Variants in LPP observed in about 807,000 individuals in gnomAD.
LPP encodes the protein lipoma-preferred partner.
In LPP, 38 loss-of-function variants were observed where a neutral mutation model predicts 60.4. The observed-to-expected ratio is 0.63, with a 90% CI of 0.49 to 0.83. The LOEUF is 0.83. LPP is among the 40% of genes least tolerant of loss of function. The pLI is 0.00. For synonymous variants in LPP, 328 were observed against 290.8 expected (o/e 1.13, Z -1.30); for missense variants, 902 against 783.6 (o/e 1.15, Z -1.80).
intron 6 of LPP, among the ~76,000 whole-genome samples, chr3:188,557,904 G>A (rs1829851930): frequency 6.6e-6 from 1 of 152,008 alleles, no homozygotes; most frequent in South Asian, 2.1e-4. Context: ...TCATCAAGCA[G>A]GTAAAGAGAA....
At chr3:188,601,451 A>G (rs1045667024) in intron 6 of LPP, among the ~76,000 whole-genome samples, 4 of 152,220 alleles carry the variant, frequency 2.6e-5, no homozygotes, top group African/African-American at 4.8e-5. Flanking sequence ...TAAAAATTTT[A>G]TAGAAACAAA....
At chr3:188,614,627 C>T (rs867813559) in intron 7 of LPP, among the ~76,000 whole-genome samples, 6 of 152,214 alleles carry the variant, frequency 3.9e-5, no homozygotes, top group African/African-American at 1.2e-4. Context: ...ATGAGAGCCA[C>T]TCACTTAACG....
Position 188,609,839 on chromosome 3 carries a change from C to T in LPP, c.1108C>T (p.Pro370Ser). The change falls in exon 7 of 12, where the codon CCA becomes TCA. Residue 370 changes from proline to serine, a missense_variant. Transcript: ENST00000617246. This position sits in a 1 kb window ranked among gnomAD's most constrained non-coding sequence, Gnocchi z 6.9. ...AGCCCCCTGTGCGCCACCATTGCAGCCAAAGGTAAGAAACTCAGTAACATA... is the reference window on the plus strand; with the variant it reads ...AGCCCCCTGTGCGCCACCATTGCAGTCAAAGGTAAGAAACTCAGTAACATA... ...VSAPCAPPLQ[P>S]KGGHSGQLGP... is the part of the protein sequence containing the mutation. 1.2e-6 allele frequency: 2 copies of T among 1,608,042 alleles called. No individual in the cohort carries two copies. Among genetic ancestry groups the T allele is most frequent in the Non-Finnish European group, 1.7e-6 (2 of 1,177,558 alleles).
intron 8 of LPP, chr3:188,712,585 C>T (rs1212882724): frequency 1.3e-5 from 2 of 152,242 alleles, no homozygotes; most frequent in African/African-American, 4.8e-5. Context: ...TTGGCCTATT[C>T]TGGACTGCAA....
chr3:188,617,020 A>C (rs937846585), intron 7 of LPP, among the ~76,000 whole-genome samples: 3 of 152,146 alleles, frequency 2.0e-5, no homozygotes, highest in Admixed American at 2.0e-4. Flanking sequence ...TTATCTGAAA[A>C]TTGTTGATGC....
Position 188,889,497 on chromosome 3 carries a change from G to C in LPP, c.*15018G>C, listed in dbSNP as rs1214685664. ...AAGTCAGTTGGCTCCATATTCACTT[G>C]AATATGCCTCTGTTTGGGCAAAGCA... On this transcript the variant is annotated 3_prime_UTR_variant, in exon 12 of 12. Transcript: ENST00000617246. The C allele has an allele frequency of 8.7e-6, 2 of 230,704 alleles. No individual in the cohort carries two copies. Among genetic ancestry groups the C allele is most frequent in the Non-Finnish European group, 1.7e-5 (2 of 116,466 alleles). 14.3% of individuals were successfully genotyped at this position (230,704 alleles called of 1,614,324 possible).
At chr3:188,413,936 T>C (rs1469729772) in intron 4 of LPP, among the ~76,000 whole-genome samples, 1 of 152,128 alleles carries the variant, frequency 6.6e-6, no homozygotes, top group African/African-American at 2.4e-5. Flanking sequence ...TGATGATAAA[T>C]GTGAAAATGT....
At chr3:188,461,518 A>C (rs1490023478) in intron 4 of LPP, among the ~76,000 whole-genome samples, 1 of 152,146 alleles carries the variant, frequency 6.6e-6, no homozygotes, top group Non-Finnish European at 1.5e-5. Flanking sequence ...TTTTTGTTTA[A>C]AAAACACCCA....
At chr3:188,775,344 C>G (rs1737405711) in intron 9 of LPP, among the ~76,000 whole-genome samples, 1 of 152,188 alleles carries the variant, frequency 6.6e-6, no homozygotes, top group Non-Finnish European at 1.5e-5. Context: ...AGCCACCACA[C>G]CCGGCCCATG....
intron 6 of LPP, among the ~76,000 whole-genome samples, chr3:188,581,635 A>C (rs1849911): frequency 0.67 from 101,618 of 151,664 alleles, 34,723 homozygotes; most frequent in East Asian, 0.87. Flanking sequence ...TCAGGGCCCA[A>C]CTCACTCATC....
At chr3:188,313,636 C>G (rs78487398) in intron 2 of LPP, among the ~76,000 whole-genome samples, 1 of 114,938 alleles carries the variant, frequency 8.7e-6, no homozygotes, top group Non-Finnish European at 1.9e-5. Context: ...GACTCCGTCT[C>G]AAAAAAAAAA....
chr3:188,689,901 C>T (rs1290460611), intron 7 of LPP, among the ~76,000 whole-genome samples: 1 of 147,238 alleles, frequency 6.8e-6, no homozygotes, highest in Non-Finnish European at 1.5e-5. Context: ...GATGGTATAT[C>T]AGGAATTCTG....
rs1345464096 is a variant in LPP, at chr3:188,887,242, T to C, written c.*12763T>C. ...ATGCAAAATGGGAAGAGCTAGCTTT[T>C]CTTAGATACATTTCTTCCTTTTTTA... is the stretch of plus-strand genomic sequence containing the variant. On this transcript the variant is annotated 3_prime_UTR_variant, in exon 12 of 12. Transcript: ENST00000617246. 1.4e-5 allele frequency: 3 copies of C among 221,078 alleles called. No homozygotes were observed. Among genetic ancestry groups the C allele is most frequent in the African/African-American group, 2.2e-5 (1 of 44,678 alleles). 13.7% of individuals were successfully genotyped at this position (221,078 alleles called of 1,614,324 possible). A position where few individuals can be genotyped will look rare whatever the true frequency, so the allele number is the denominator to read the frequency against.
chr3:188,697,403 A>G (rs1486176357), intron 7 of LPP, among the ~76,000 whole-genome samples: 1 of 152,230 alleles, frequency 6.6e-6, no homozygotes, highest in Non-Finnish European at 1.5e-5. Context: ...ATTAAAACCG[A>G]AAACTGATTT....
chr3:188,542,171 TG>T lies in LPP; in HGVS notation c.429+17385del, dbSNP rs1449360596. 7.2e-5 allele frequency among the ~76,000 whole-genome samples: 11 copies of T among 152,338 alleles called. No homozygotes were observed. The East Asian group carries it at 2.1e-3, about 29-fold the overall frequency. Reference sequence around the variant, plus strand: ...CATACCTAGAAACGTGAATGTCAACTGTTTGATCTCTCTGAACCTCATTTTC... The same window carrying T: ...CATACCTAGAAACGTGAATGTCAACTTTTGATCTCTCTGAACCTCATTTTC... On this transcript the variant is annotated intron_variant, in intron 6 of 11. Transcript: ENST00000617246.
chr3:188,318,825 C>A (rs1756005835), intron 2 of LPP, among the ~76,000 whole-genome samples: 1 of 133,326 alleles, frequency 7.5e-6, no homozygotes, highest in Admixed American at 8.4e-5. Flanking sequence ...GTGGCGCGAT[C>A]TCGGCTCACT....
At chr3:188,694,108 A>G (rs1445138271) in intron 7 of LPP, among the ~76,000 whole-genome samples, 1 of 152,078 alleles carries the variant, frequency 6.6e-6, no homozygotes, top group Non-Finnish European at 1.5e-5. Context: ...ACATTTTAGA[A>G]AGGCCTAAGT....
At chr3:188,320,044 GT>G (rs1756475603) in intron 2 of LPP, among the ~76,000 whole-genome samples, 1 of 152,186 alleles carries the variant, frequency 6.6e-6, no homozygotes, top group Non-Finnish European at 1.5e-5. Context: ...TTAAATTGGG[GT>G]TTTAGATTTC....
At chr3:188,340,424 T>C (rs1219095618) in intron 2 of LPP, among the ~76,000 whole-genome samples, 1 of 151,718 alleles carries the variant, frequency 6.6e-6, no homozygotes, top group Non-Finnish European at 1.5e-5. Flanking sequence ...TTTGAAACTT[T>C]TATTTTAAGT....
Sources: gnomAD v4.1 joint callset for allele counts (sites outside exome capture counted in the v4.1 genomes callset) on GRCh38, gnomAD v4.1.1 for gene constraint, Gnocchi (gnomAD v3.1) non-coding constraint, MANE v1.5 for transcripts, NCBI Gene and HGNC (gene_info 2026-07-23, HGNC 2026-07-21) for gene names.